The following GLIS3 variants were observed in gnomAD, a reference collection of about 807,000 sequenced individuals.
GLIS3 encodes the protein GLIS family zinc finger 3.
A neutral mutation model predicts 78.6 loss-of-function variants in GLIS3; 53 were observed. The observed-to-expected ratio is 0.67, with a 90% CI of 0.54 to 0.85. The LOEUF (loss-of-function observed/expected upper bound fraction) is 0.85. GLIS3 is among the 40% of genes least tolerant of loss of function. The probability of loss-of-function intolerance (pLI) is 0.00; values close to 1 mark genes in which losing one functional copy is unlikely to be tolerated. For synonymous variants in GLIS3, 684 were observed against 509.9 expected, an observed-to-expected ratio of 1.34 and a Z score of -4.60; for missense variants, 1,703 against 1,231.1, an observed-to-expected ratio of 1.38 and a Z score of -5.74.
chr9:4,265,104 A>T (rs1328140172), intron 2 of GLIS3, among the ~76,000 whole-genome samples: 1 of 150,390 alleles, frequency 6.6e-6, no homozygotes, highest in African/African-American at 2.4e-5. Context: ...CCTGGGAGGT[A>T]GAGCTTGCAG....
At chr9:4,215,424 A>C (rs952572311) in intron 2 of GLIS3, among the ~76,000 whole-genome samples, 4 of 152,078 alleles carry the variant, frequency 2.6e-5, no homozygotes, top group African/African-American at 4.8e-5. Flanking sequence ...CCCTCTTTTT[A>C]AATCATGATT....
chr9:3,929,273 T>C (rs1481580284), intron 6 of GLIS3, among the ~76,000 whole-genome samples: 2 of 152,230 alleles, frequency 1.3e-5, no homozygotes, highest in African/African-American at 4.8e-5. Flanking sequence ...GCAGGAATTA[T>C]GCAAAGAGAA....
intron 4 of GLIS3, among the ~76,000 whole-genome samples, chr9:3,974,488 C>G (rs1036309754): frequency 1.3e-5 from 2 of 152,108 alleles, no homozygotes; most frequent in Admixed American, 6.6e-5. Context: ...GCTTTTAATG[C>G]AATTGGGGAA....
At chr9:3,856,279 C>G in intron 8 of GLIS3, 95 bp from the exon 9 acceptor site, 2 of 1,113,956 alleles carry the variant, frequency 1.8e-6, no homozygotes, top group Non-Finnish European at 2.7e-6. Flanking sequence ...CCCATTCTGG[C>G]TATACAAGAG....
chr9:4,117,064 G>A (rs190488681), intron 4 of GLIS3, among the ~76,000 whole-genome samples: 5 of 152,170 alleles, frequency 3.3e-5, no homozygotes, highest in Non-Finnish European at 7.4e-5. Flanking sequence ...AGGCAGAGGC[G>A]AGGAAGAAAG....
At chr9:4,287,422 C>G (rs1295523060) in intron 1 of GLIS3, among the ~76,000 whole-genome samples, 1 of 152,216 alleles carries the variant, frequency 6.6e-6, no homozygotes, top group Non-Finnish European at 1.5e-5. Context: ...CGTGATGATG[C>G]CGGGTTGTAA....
At chr9:4,340,377 T>TG (rs950438297) in intron 2 of GLIS3, among the ~76,000 whole-genome samples, 5 of 79,290 alleles carry the variant, frequency 6.3e-5, no homozygotes, top group Non-Finnish European at 1.3e-4. Context: ...AGTGAGGGGG[T>TG]GGGGGAAAAC....
chr9:3,852,384 C>T (rs1490927507), intron 9 of GLIS3, among the ~76,000 whole-genome samples: 1 of 152,158 alleles, frequency 6.6e-6, no homozygotes, highest in Non-Finnish European at 1.5e-5. Flanking sequence ...AGAACAAACA[C>T]TCACTTGAGC....
intron 8 of GLIS3, among the ~76,000 whole-genome samples, chr9:3,873,165 C>T (rs1821074884): frequency 6.6e-6 from 1 of 152,172 alleles, no homozygotes. Flanking sequence ...GTACAGAAAA[C>T]TAATTCCAAT....
intron 6 of GLIS3, among the ~76,000 whole-genome samples, chr9:3,931,493 AC>A (rs1422268818): frequency 6.6e-6 from 1 of 152,116 alleles, no homozygotes; most frequent in African/African-American, 2.4e-5. Context: ...TGAATCAGGA[AC>A]CCATCTCAAT....
At chr9:3,981,833 A>T (rs775086875) in intron 4 of GLIS3, among the ~76,000 whole-genome samples, 3 of 152,164 alleles carry the variant, frequency 2.0e-5, no homozygotes, top group Non-Finnish European at 4.4e-5. Flanking sequence ...CCCCAGGTGG[A>T]TGCCTAGCCA....
chr9:4,405,086 G>A, the GLIS3 span, among the ~76,000 whole-genome samples: 1 of 152,176 alleles, frequency 6.6e-6, no homozygotes, highest in Non-Finnish European at 1.5e-5. Context: ...CTGGCGCAGT[G>A]GCTCATGCCT....
At chr9:4,292,235 A>G (rs1376652594) in intron 1 of GLIS3, among the ~76,000 whole-genome samples, 1 of 152,184 alleles carries the variant, frequency 6.6e-6, no homozygotes, top group Non-Finnish European at 1.5e-5. Context: ...CGGAGAAAGC[A>G]TTATTTAATG....
intron 6 of GLIS3, among the ~76,000 whole-genome samples, chr9:3,928,132 C>T (rs368615737): frequency 1.3e-5 from 2 of 152,146 alleles, no homozygotes; most frequent in Non-Finnish European, 2.9e-5. Flanking sequence ...ATGTCATCCC[C>T]GTAACAGCAT....
chr9:4,124,733 G>A (rs1832442631), intron 3 of GLIS3, among the ~76,000 whole-genome samples: 1 of 152,192 alleles, frequency 6.6e-6, no homozygotes, highest in Admixed American at 6.5e-5. Flanking sequence ...ACAGGATTAG[G>A]AGGAAGGAAA....
chr9:4,298,261 G>GCCGAGCCAGTGTCCTCA, intron 1 of GLIS3: 1 of 348,544 alleles, frequency 2.9e-6, no homozygotes, highest in South Asian at 2.1e-5. Context: ...CCCGGTCCCC[G>GCCGAGCCAGTGTCCTCA]CCGAGCCAGT....
chr9:4,406,152 T>C, the GLIS3 span, among the ~76,000 whole-genome samples: 1 of 152,100 alleles, frequency 6.6e-6, no homozygotes, highest in Non-Finnish European at 1.5e-5. Context: ...CCTTTCTTCT[T>C]AGATCTGGAA....
chr9:4,182,285 G>A (rs573050208), intron 2 of GLIS3, among the ~76,000 whole-genome samples: 1 of 152,224 alleles, frequency 6.6e-6, no homozygotes, highest in East Asian at 1.9e-4. Context: ...CTTCAGATGG[G>A]GCATGTATTC....
At chr9:4,058,966 A>T (rs555823772) in intron 4 of GLIS3, among the ~76,000 whole-genome samples, 4 of 151,450 alleles carry the variant, frequency 2.6e-5, no homozygotes, top group Admixed American at 2.0e-4. Context: ...TGGGCCACAG[A>T]GCAAGACTCC....
Sources: allele counts gnomAD v4.1 joint callset (sites outside exome capture counted in the v4.1 genomes callset), GRCh38; gene constraint gnomAD v4.1.1; transcripts MANE v1.5; gene names NCBI Gene and HGNC (gene_info 2026-07-23, HGNC 2026-07-21).